The following SLC35F4 variants were observed in gnomAD, a reference collection of about 807,000 sequenced individuals.
The protein encoded by SLC35F4 is chromosome 14 open reading frame 36.
In SLC35F4, 24 loss-of-function variants were observed where a neutral mutation model predicts 44.2. That is an observed-to-expected ratio of 0.54 (90% CI 0.39 to 0.76). The LOEUF is 0.76. Among genes scored for constraint, SLC35F4 ranks in the 30% least tolerant of loss-of-function variants. The pLI, the probability that SLC35F4 is intolerant of heterozygous loss-of-function variation, is 0.00. For missense variants in SLC35F4, 562 were observed against 586.1 expected (o/e 0.96, Z 0.42); for synonymous variants, 238 against 223.6 (o/e 1.06, Z -0.57).
intron 1 of SLC35F4, among the ~76,000 whole-genome samples, chr14:57,729,080 C>T (rs867162944): frequency 1.3e-5 from 2 of 152,078 alleles, no homozygotes; most frequent in African/African-American, 4.8e-5. Flanking sequence ...TTTTTAGGAT[C>T]CTTTCTTTAT....
intron 1 of SLC35F4, among the ~76,000 whole-genome samples, chr14:57,841,017 G>A (rs888114841): frequency 6.6e-6 from 1 of 152,132 alleles, no homozygotes; most frequent in Non-Finnish European, 1.5e-5. Flanking sequence ...TTCAGACACT[G>A]ACAGTAGCAA....
rs148220749 is a variant in SLC35F4 at position 57,813,311 on chromosome 14, C to T, written c.103+52412G>A. ...ACTTATAAAAAGTACTTTTATAGGCCGGCTGTGGTGGTTCATGCCTGTAAT... is the reference window on the plus strand; with the variant it reads ...ACTTATAAAAAGTACTTTTATAGGCTGGCTGTGGTGGTTCATGCCTGTAAT... On this transcript the variant is annotated intron_variant, in intron 1 of 7. Coordinates refer to ENST00000556826, the MANE Select transcript of SLC35F4 (RefSeq NM_001306087.2). Among the ~76,000 whole-genome samples the T allele has an allele frequency of 4.8e-3, 735 of 152,248 alleles. 3 individuals carry two copies. Among genetic ancestry groups the T allele is most frequent in the Non-Finnish European group, 8.2e-3 (560 of 68,004 alleles).
At chr14:57,879,383 G>A (rs994921958) in intron 1 of SLC35F4, among the ~76,000 whole-genome samples, 2 of 151,932 alleles carry the variant, frequency 1.3e-5, no homozygotes, top group African/African-American at 4.8e-5. Flanking sequence ...CCCCAGGCCT[G>A]GCTCTTCCCA....
chr14:57,876,634 G>A (rs11846710), intron 1 of SLC35F4, among the ~76,000 whole-genome samples: 16,703 of 152,062 alleles, frequency 0.11, 2,809 homozygotes, highest in African/African-American at 0.36. Flanking sequence ...GAAGAAGTTG[G>A]TTGTGTTCAA....
At chr14:57,703,283 A>G (rs1485280838) in intron 1 of SLC35F4, among the ~76,000 whole-genome samples, 1 of 152,168 alleles carries the variant, frequency 6.6e-6, no homozygotes, top group Non-Finnish European at 1.5e-5. Flanking sequence ...CCTTCCCCAC[A>G]TCATCAGAAA....
At chr14:57,664,494 C>T (rs1009364204) in intron 1 of SLC35F4, among the ~76,000 whole-genome samples, 13 of 152,070 alleles carry the variant, frequency 8.5e-5, no homozygotes, top group African/African-American at 2.7e-4. Flanking sequence ...CTGCAACCTC[C>T]GCCTTCCACG....
At chr14:57,671,554 C>G (rs928328066) in intron 1 of SLC35F4, among the ~76,000 whole-genome samples, 2 of 151,916 alleles carry the variant, frequency 1.3e-5, no homozygotes, top group Non-Finnish European at 2.9e-5. Flanking sequence ...ACTGAAGAGC[C>G]CTTGGGCCCC....
At chr14:57,974,967 A>C (rs1472801652), downstream of SLC35F4, among the ~76,000 whole-genome samples, 1 of 152,230 alleles carries the variant, frequency 6.6e-6, no homozygotes, top group Non-Finnish European at 1.5e-5. Context: ...GGGAAGGAGA[A>C]ATGTGGTTTA....
chr14:57,672,810 A>C (rs7144116), intron 1 of SLC35F4, among the ~76,000 whole-genome samples: 1 of 151,574 alleles, frequency 6.6e-6, no homozygotes, highest in East Asian at 1.9e-4. Flanking sequence ...TAGAATAACA[A>C]AGTTGAGTTA....
intron 1 of SLC35F4, among the ~76,000 whole-genome samples, chr14:57,747,234 C>T (rs771386234): frequency 6.6e-6 from 1 of 152,246 alleles, no homozygotes; most frequent in East Asian, 1.9e-4. Context: ...AAGTTGAGAG[C>T]CTTAGAGGGC....
At chr14:57,629,177 C>T (rs1461329583) in intron 1 of SLC35F4, among the ~76,000 whole-genome samples, 1 of 152,138 alleles carries the variant, frequency 6.6e-6, no homozygotes, top group Admixed American at 6.6e-5. Flanking sequence ...AGCACACACT[C>T]TGCTATGGCT....
chr14:57,710,775 G>C (rs2075799467), intron 1 of SLC35F4, among the ~76,000 whole-genome samples: 1 of 151,826 alleles, frequency 6.6e-6, no homozygotes, highest in Non-Finnish European at 1.5e-5. Context: ...CCTTAGTTTT[G>C]GCCAACTTCT....
chr14:57,646,413 AG>A (rs2073517712), intron 1 of SLC35F4, among the ~76,000 whole-genome samples: 1 of 152,150 alleles, frequency 6.6e-6, no homozygotes, highest in African/African-American at 2.4e-5. Flanking sequence ...ATTTGCGTAG[AG>A]GTATCTATAG....
At chr14:57,865,113 G>A (rs113622796) in intron 1 of SLC35F4, among the ~76,000 whole-genome samples, 10,402 of 150,126 alleles carry the variant, frequency 0.069, 440 homozygotes, top group Middle Eastern at 0.14. Context: ...CCAAGCTCTG[G>A]GGCTCGGAGA....
upstream of SLC35F4, among the ~76,000 whole-genome samples, chr14:57,867,611 C>G (rs1002978999): frequency 6.6e-6 from 1 of 151,462 alleles, no homozygotes; most frequent in African/African-American, 2.4e-5. Flanking sequence ...CACCCCCCCC[C>G]ACGTGAAATA....
chr14:57,780,739 CAT>C (rs2034656168), intron 1 of SLC35F4, among the ~76,000 whole-genome samples: 1 of 151,806 alleles, frequency 6.6e-6, no homozygotes, highest in Admixed American at 6.6e-5. Context: ...AAAACAGACA[CAT>C]ATAAAACATA....
chr14:57,571,158 T>C (rs2068482302), intron 5 of SLC35F4, among the ~76,000 whole-genome samples: 1 of 152,304 alleles, frequency 6.6e-6, no homozygotes, highest in African/African-American at 2.4e-5. Flanking sequence ...ATTGGAACAG[T>C]TCTTTAATAC....
intron 5 of SLC35F4, among the ~76,000 whole-genome samples, chr14:57,570,877 G>T (rs1208277855): frequency 2.6e-5 from 4 of 151,918 alleles, no homozygotes; most frequent in African/African-American, 9.7e-5. Flanking sequence ...TTAATCAAAA[G>T]AATTTGAGCA....
intron 1 of SLC35F4, among the ~76,000 whole-genome samples, chr14:57,717,987 C>G (rs1302713908): frequency 6.6e-6 from 1 of 152,132 alleles, no homozygotes; most frequent in Non-Finnish European, 1.5e-5. Context: ...TTTTTGTAGC[C>G]ATTAACCATC....
Sources: gnomAD v4.1 joint callset for allele counts (sites outside exome capture counted in the v4.1 genomes callset) on GRCh38, gnomAD v4.1.1 for gene constraint, MANE v1.5 for transcripts, NCBI Gene and HGNC (gene_info 2026-07-23, HGNC 2026-07-21) for gene names.